The following MCM9 variants were observed in gnomAD, a reference collection of about 807,000 sequenced individuals.
The protein encoded by MCM9 is DNA helicase MCM9.
A neutral mutation model predicts 72.8 loss-of-function variants in MCM9; 55 were observed. The observed-to-expected ratio is 0.76, with a 90% CI of 0.61 to 0.95. The LOEUF (loss-of-function observed/expected upper bound fraction) is 0.95, where lower values mean the gene tolerates loss of function less well. Ranked by LOEUF, MCM9 falls within the 40% of genes least tolerant of loss-of-function variation. MCM9 has a pLI of 0.00. For missense variants in MCM9, 1,279 were observed against 1,377.0 expected (o/e 0.93, Z 1.13); for synonymous variants, 480 against 503.4 (o/e 0.95, Z 0.62).
rs532199014 is a variant in MCM9 at position 118,909,980 on chromosome 6, G to A, written c.1150+1670C>T. Among the ~76,000 whole-genome samples, 431 of 152,014 alleles carry A rather than the reference G, an allele frequency of 2.8e-3. 2 individuals are homozygous for A. Among genetic ancestry groups the A allele is most frequent in the Admixed American group, 4.8e-3 (74 of 15,284 alleles). On this transcript the variant is annotated intron_variant, in intron 8 of 13. Transcript: ENST00000619706. Reference sequence around the variant, plus strand: ...AAAAATACAAAAATTAGCCAGGTGCGGTGGTGCACATCTGTAATCCCAGTT... The same window carrying A: ...AAAAATACAAAAATTAGCCAGGTGCAGTGGTGCACATCTGTAATCCCAGTT...
intron 8 of MCM9, among the ~76,000 whole-genome samples, chr6:118,888,257 T>A (rs191012006): frequency 6.6e-6 from 1 of 151,876 alleles, no homozygotes; most frequent in Non-Finnish European, 1.5e-5. Context: ...GAGGCAGAGG[T>A]GGGCGGATCA....
intron 3 of MCM9, among the ~76,000 whole-genome samples, chr6:118,926,425 A>G (rs1178172430): frequency 6.6e-6 from 1 of 152,216 alleles, no homozygotes; most frequent in African/African-American, 2.4e-5. Context: ...AAAAGTGACA[A>G]ACAGAATAAT....
intron 13 of MCM9, among the ~76,000 whole-genome samples, chr6:118,820,805 C>G (rs943612402): frequency 6.6e-6 from 1 of 152,094 alleles, no homozygotes; most frequent in Non-Finnish European, 1.5e-5. Flanking sequence ...TCTGGGTGCT[C>G]CTGTATTGGG....
chr6:118,820,842 C>G (rs1450016636), intron 13 of MCM9, among the ~76,000 whole-genome samples: 1 of 152,146 alleles, frequency 6.6e-6, no homozygotes, highest in Non-Finnish European at 1.5e-5. Context: ...ATAGTTAGCT[C>G]TTCTTGTTGC....
chr6:118,841,962 G>A (rs1345680116), intron 9 of MCM9, among the ~76,000 whole-genome samples: 1 of 151,934 alleles, frequency 6.6e-6, no homozygotes, highest in Non-Finnish European at 1.5e-5. Context: ...AGCCTCCAGA[G>A]TAGCTGGGAC....
At chr6:118,896,127 A>G (rs1779393944) in intron 8 of MCM9, among the ~76,000 whole-genome samples, 1 of 152,010 alleles carries the variant, frequency 6.6e-6, no homozygotes, top group Non-Finnish European at 1.5e-5. Flanking sequence ...ATTTATTAAA[A>G]TAATTTCAAA....
At chr6:118,897,986 C>T (rs1298500068) in intron 8 of MCM9, among the ~76,000 whole-genome samples, 2 of 152,230 alleles carry the variant, frequency 1.3e-5, no homozygotes, top group East Asian at 3.8e-4. Flanking sequence ...CTCTCTCCAT[C>T]TCCTCTGCTC....
intron 8 of MCM9, among the ~76,000 whole-genome samples, chr6:118,880,609 C>T (rs1418903427): frequency 6.6e-6 from 1 of 152,126 alleles, no homozygotes; most frequent in Non-Finnish European, 1.5e-5. Context: ...AGAAGGAAAA[C>T]AAAGTTGTCT....
At chr6:118,921,001 C>T (rs1400761957) in intron 5 of MCM9, 1 of 152,200 alleles carries the variant, frequency 6.6e-6, no homozygotes, top group African/African-American at 2.4e-5. Flanking sequence ...GAACTCAGGA[C>T]CAGTCTGGTT....
Position 118,931,732 on chromosome 6 carries a change from T to C in MCM9, c.-9A>G, listed in dbSNP as rs1782449066. The C allele has an allele frequency of 6.3e-7, 1 of 1,585,798 alleles. No individual in the cohort carries two copies. The highest frequency in any genetic ancestry group is 8.6e-7 in the Non-Finnish European group (1 of 1,166,062). ...ACTTGATCGCTATTCATCTTGAATC[T>C]AGGTAACTAAAGAAAAAAAAAAGGA... On this transcript the variant is annotated 5_prime_UTR_variant, in exon 3 of 14. An upstream open reading frame in the 5' UTR loses its in-frame stop. Coordinates refer to ENST00000619706, the MANE Select transcript of MCM9 (RefSeq NM_017696.3).
rs558813144 is a variant in MCM9 at position 118,833,680 on chromosome 6, C to T, written c.1326-4430G>A. On this transcript the variant is annotated intron_variant, in intron 9 of 13. Transcript: ENST00000619706. Reference sequence around the variant, plus strand: ...CATGCTAAGTGAAATAAGCCAGTTACGAAAGATCAATACTGTATGATTCCA... The same window carrying T: ...CATGCTAAGTGAAATAAGCCAGTTATGAAAGATCAATACTGTATGATTCCA... Among the ~76,000 whole-genome samples the T allele has an allele frequency of 3.3e-5, 5 of 152,190 alleles. No individual in the cohort carries two copies. The East Asian group carries it at 5.8e-4, about 18-fold the overall frequency.
intron 4 of MCM9, among the ~76,000 whole-genome samples, 178 bp from the exon 5 acceptor site, chr6:118,922,264 C>T (rs1219879096): frequency 6.6e-6 from 1 of 152,134 alleles, no homozygotes; most frequent in Non-Finnish European, 1.5e-5. Context: ...TAAGAATTCA[C>T]TAAATAAAAT....
intron 13 of MCM9, among the ~76,000 whole-genome samples, chr6:118,824,449 C>A (rs1232261921): frequency 6.6e-6 from 1 of 151,854 alleles, no homozygotes; most frequent in Admixed American, 6.6e-5. Flanking sequence ...GCTGGAATTA[C>A]AGGCGCCCGC....
intron 8 of MCM9, among the ~76,000 whole-genome samples, chr6:118,900,575 T>C (rs1779742556): frequency 6.6e-6 from 1 of 152,210 alleles, no homozygotes; most frequent in African/African-American, 2.4e-5. Flanking sequence ...AAAGAGTATT[T>C]TGAGAAACTC....
chr6:118,838,051 C>A (rs1311042008), intron 9 of MCM9, among the ~76,000 whole-genome samples: 1 of 152,090 alleles, frequency 6.6e-6, no homozygotes, highest in Non-Finnish European at 1.5e-5. Context: ...GTAAGGCAGG[C>A]CTGGTGGTGA....
chr6:118,901,405 GGT>G, intron 8 of MCM9, among the ~76,000 whole-genome samples: 1 of 152,134 alleles, frequency 6.6e-6, no homozygotes, highest in Admixed American at 6.5e-5. Context: ...TGTGGTCTTG[GGT>G]CATTGGAATG....
At chr6:118,846,223 C>T (rs1027753945) in intron 9 of MCM9, among the ~76,000 whole-genome samples, 1 of 151,714 alleles carries the variant, frequency 6.6e-6, no homozygotes, top group Non-Finnish European at 1.5e-5. Flanking sequence ...ACAAAGCAAG[C>T]AAATAAACCC....
chr6:118,895,079 ACT>A (rs1389316642), intron 8 of MCM9, among the ~76,000 whole-genome samples: 1 of 150,286 alleles, frequency 6.7e-6, no homozygotes, highest in Middle Eastern at 3.2e-3. Context: ...GAGTCGCCGC[ACT>A]CTCCGGGCTG....
At chr6:118,817,538 T>C (rs983026370) in intron 13 of MCM9, among the ~76,000 whole-genome samples, 19 of 152,224 alleles carry the variant, frequency 1.2e-4, no homozygotes, top group African/African-American at 4.3e-4. Flanking sequence ...CAGTGTATCA[T>C]TGATGGGCAC....
Sources: allele counts gnomAD v4.1 joint callset (sites outside exome capture counted in the v4.1 genomes callset), GRCh38; gene constraint gnomAD v4.1.1; transcripts MANE v1.5; gene names NCBI Gene and HGNC (gene_info 2026-07-23, HGNC 2026-07-21).